CACNA2D3: variants seen among roughly 807,000 people sequenced by gnomAD.
CACNA2D3 encodes the protein voltage-dependent calcium channel subunit alpha-2/delta-3.
CACNA2D3 carries 60 observed loss-of-function variants against 160.6 expected under a neutral mutation model. That is an observed-to-expected ratio of 0.37 (90% confidence interval 0.30 to 0.46). The LOEUF (loss-of-function observed/expected upper bound fraction) is 0.46. CACNA2D3 is among the 20% of genes least tolerant of loss of function. The pLI, the probability that CACNA2D3 is intolerant of heterozygous loss-of-function variation, is 1.00. For missense variants in CACNA2D3, 1,205 were observed against 1,365.0 expected (o/e 0.88, Z 1.85); for synonymous variants, 558 against 492.9 (o/e 1.13, Z -1.75).
intron 27 of CACNA2D3, among the ~76,000 whole-genome samples, chr3:54,910,503 T>G (rs1700533002): frequency 6.6e-6 from 1 of 152,182 alleles, no homozygotes; most frequent in South Asian, 2.1e-4. Context: ...GTTGATCACT[T>G]TCTCCTTGAA....
At chr3:54,815,870 A>C (rs1017749619) in intron 13 of CACNA2D3, among the ~76,000 whole-genome samples, 6 of 152,200 alleles carry the variant, frequency 3.9e-5, no homozygotes, top group African/African-American at 1.4e-4. Flanking sequence ...AAATCTTCGT[A>C]ATGATGTAAT....
At chr3:54,758,158 A>G (rs1321143994) in intron 12 of CACNA2D3, among the ~76,000 whole-genome samples, 1 of 152,224 alleles carries the variant, frequency 6.6e-6, no homozygotes, top group Admixed American at 6.5e-5. Context: ...TTAAGGCTGT[A>G]GATAAGACGA....
At chr3:54,341,636 C>T (rs140180842) in intron 3 of CACNA2D3, among the ~76,000 whole-genome samples, 2 of 152,170 alleles carry the variant, frequency 1.3e-5, no homozygotes, top group Non-Finnish European at 2.9e-5. Flanking sequence ...AGCTCAAAAC[C>T]CTGAGAGGTT....
At chr3:54,983,965 C>T (rs1003577797) in intron 29 of CACNA2D3, among the ~76,000 whole-genome samples, 1 of 152,130 alleles carries the variant, frequency 6.6e-6, no homozygotes, top group East Asian at 1.9e-4. Context: ...ACCTTGCTTT[C>T]TACAATTTAT....
chr3:54,949,667 A>G (rs12636204), intron 27 of CACNA2D3, among the ~76,000 whole-genome samples: 2,915 of 152,204 alleles, frequency 0.019, 72 homozygotes, highest in African/African-American at 0.064. Context: ...GCAAACAGTA[A>G]CCTGAAAAAC....
intron 35 of CACNA2D3, among the ~76,000 whole-genome samples, chr3:55,027,544 G>C (rs947455022): frequency 6.6e-6 from 1 of 152,044 alleles, no homozygotes; most frequent in East Asian, 1.9e-4. Context: ...CATCTAATTC[G>C]CATACAAATT....
chr3:54,562,863 T>C lies in CACNA2D3; in HGVS notation c.608T>C (p.Phe203Ser), dbSNP rs1702349707. 6.2e-7 allele frequency: 1 copy of C among 1,613,518 alleles called. No homozygotes were observed. The highest frequency in any genetic ancestry group is 8.5e-7 in the Non-Finnish European group (1 of 1,179,588). ...ESLNKVFVDN[F>S]DRDPSLIWQY... ...CTAAACAAAGTTTTTGTAGATAACT[T>C]TGACCGTGACCCATCTCTCATATGG... The change falls in exon 6 of 38, where the codon TTT (phenylalanine) becomes TCT (serine). Residue 203 changes from phenylalanine (F) to serine (S), a missense_variant. Physicochemically the swap from Phe to Ser is radical, Grantham distance 155. Around this residue, in one of 3 missense-constraint regions of CACNA2D3, gnomAD observed 131 missense variants for 201.5 expected, o/e 0.65. Transcript: ENST00000474759.
intron 27 of CACNA2D3, among the ~76,000 whole-genome samples, chr3:54,954,386 C>T (rs1253383232): frequency 6.6e-6 from 1 of 152,196 alleles, no homozygotes; most frequent in Non-Finnish European, 1.5e-5. Context: ...GGGATGCTTT[C>T]ACATTCTTCC....
At chr3:54,364,539 C>G (rs1559461550) in intron 3 of CACNA2D3, among the ~76,000 whole-genome samples, 1 of 152,138 alleles carries the variant, frequency 6.6e-6, no homozygotes, top group Non-Finnish European at 1.5e-5. Context: ...AAATGATTTC[C>G]TTTCCTCTTA....
chr3:54,240,550 G>A (rs775187414), intron 2 of CACNA2D3, among the ~76,000 whole-genome samples: 3 of 152,122 alleles, frequency 2.0e-5, no homozygotes, highest in Non-Finnish European at 4.4e-5. Flanking sequence ...ATCCAACAGC[G>A]CATGCATTTT....
chr3:54,661,916 G>A (rs1699981196), intron 11 of CACNA2D3, among the ~76,000 whole-genome samples: 1 of 150,826 alleles, frequency 6.6e-6, no homozygotes, highest in Non-Finnish European at 1.5e-5. Context: ...CACATCTTCA[G>A]TGAAATATCC....
At chr3:54,456,855 C>A (rs542043263) in intron 4 of CACNA2D3, among the ~76,000 whole-genome samples, 2 of 151,906 alleles carry the variant, frequency 1.3e-5, no homozygotes, top group East Asian at 3.9e-4. Flanking sequence ...GGAATTTATC[C>A]ATTTCCTCTG....
chr3:54,758,864 GA>G (rs1329723492), intron 12 of CACNA2D3, among the ~76,000 whole-genome samples: 1 of 152,208 alleles, frequency 6.6e-6, no homozygotes, highest in Admixed American at 6.5e-5. Flanking sequence ...TCACTCCAAA[GA>G]TGGAAGGAGG....
At chr3:54,570,136 T>C in intron 8 of CACNA2D3, 32 bp downstream of exon 8, 1 of 1,601,980 alleles carries the variant, frequency 6.2e-7, no homozygotes, top group Non-Finnish European at 8.5e-7. Context: ...TTCTTTGCAC[T>C]TGGGTTCATT....
At chr3:54,430,567 G>C (rs1002419573) in intron 4 of CACNA2D3, among the ~76,000 whole-genome samples, 2 of 152,284 alleles carry the variant, frequency 1.3e-5, no homozygotes, top group East Asian at 3.9e-4. Flanking sequence ...GCTTAATCCT[G>C]GACGTGATTT....
intron 35 of CACNA2D3, among the ~76,000 whole-genome samples, chr3:55,046,394 T>G (rs1704083187): frequency 9.6e-6 from 1 of 104,360 alleles, no homozygotes; most frequent in Admixed American, 9.6e-5. Flanking sequence ...GAATGATGAT[T>G]TCCAATTTCA....
chr3:54,575,516 G>A (rs776285101), intron 8 of CACNA2D3, among the ~76,000 whole-genome samples: 2 of 152,006 alleles, frequency 1.3e-5, no homozygotes, highest in Admixed American at 6.6e-5. Context: ...TCAACAAATA[G>A]TACTGAGTGC....
intron 2 of CACNA2D3, among the ~76,000 whole-genome samples, chr3:54,186,353 G>A (rs1700878157): frequency 6.6e-6 from 1 of 152,148 alleles, no homozygotes; most frequent in Non-Finnish European, 1.5e-5. Context: ...GGTGAATCTA[G>A]GGGTGAATTC....
At chr3:54,289,897 A>C (rs1476728322) in intron 2 of CACNA2D3, among the ~76,000 whole-genome samples, 10 of 152,272 alleles carry the variant, frequency 6.6e-5, no homozygotes, top group African/African-American at 2.2e-4. Flanking sequence ...CACCTTATAC[A>C]AAAATTAATT....
Sources: gnomAD v4.1 joint callset for allele counts (sites outside exome capture counted in the v4.1 genomes callset) on GRCh38, gnomAD v4.1.1 for gene constraint, gnomAD v4.1.1 regional missense constraint, MANE v1.5 for transcripts, NCBI Gene and HGNC (gene_info 2026-07-23, HGNC 2026-07-21) for gene names.